The following DTNB variants were observed in gnomAD, a reference collection of about 807,000 sequenced individuals.
The protein encoded by DTNB is dystrobrevin beta.
Under a neutral mutation model 90.7 loss-of-function variants are expected in DTNB, and 63 were observed. The ratio of observed to expected loss-of-function variants is 0.69; its 90% CI spans 0.57 to 0.86. DTNB has a LOEUF of 0.86. Among genes scored for constraint, DTNB ranks in the 40% least tolerant of loss-of-function variants. The pLI is 0.00. For missense variants in DTNB, 744 were observed against 807.1 expected, an observed-to-expected ratio of 0.92 and a Z score of 0.95; for synonymous variants, 277 against 286.7, an observed-to-expected ratio of 0.97 and a Z score of 0.34.
chr2:25,556,162 C>T (rs960278121), intron 8 of DTNB, among the ~76,000 whole-genome samples: 10 of 142,774 alleles, frequency 7.0e-5, no homozygotes, highest in South Asian at 2.2e-4. Context: ...GGTGTTTTGG[C>T]CATCTCTCTT....
At chr2:25,548,629 G>C (rs1476913679) in intron 8 of DTNB, among the ~76,000 whole-genome samples, 1 of 152,272 alleles carries the variant, frequency 6.6e-6, no homozygotes, top group South Asian at 2.1e-4. Context: ...TCAGCCTGGA[G>C]TGGAGTAAGG....
chr2:25,587,371 A>G (rs939896687), intron 6 of DTNB, among the ~76,000 whole-genome samples: 2 of 152,210 alleles, frequency 1.3e-5, no homozygotes, highest in African/African-American at 4.8e-5. Flanking sequence ...CGAGAAGACC[A>G]GGGTCCTTCG....
chr2:25,652,904 A>ATGC (rs2081250073), intron 1 of DTNB: 7 of 356,594 alleles, frequency 2.0e-5, no homozygotes, highest in Non-Finnish European at 3.5e-5. Flanking sequence ...TTACTGTGCT[A>ATGC]AAAATATGGG....
chr2:25,595,232 T>C (rs2064344707), intron 6 of DTNB: 1 of 152,198 alleles, frequency 6.6e-6, no homozygotes, highest in Non-Finnish European at 1.5e-5. Context: ...TTAGTGGTGA[T>C]AGGGATTTTG....
chr2:25,550,431 C>A (rs2083415730), intron 8 of DTNB, among the ~76,000 whole-genome samples: 1 of 152,002 alleles, frequency 6.6e-6, no homozygotes, highest in East Asian at 1.9e-4. Context: ...CAAAAAAAAA[C>A]ACGGTGCTAT....
In DTNB at chr2:25,434,014, G is replaced by C; in HGVS notation, c.1258-19C>G. The C allele has an allele frequency of 1.3e-6, 2 of 1,586,708 alleles. No homozygotes were observed. The highest frequency in any genetic ancestry group is 1.7e-6 in the Non-Finnish European group (2 of 1,173,680). On this transcript the variant is annotated intron_variant, in intron 12 of 20. Coordinates refer to ENST00000406818, the MANE Select transcript of DTNB (RefSeq NM_021907.5). ...GACGAGTCTAAAGTGGGGAAGTCGG[G>C]AGAAAGTTTTTTTTTTTCTGATCCA... is the stretch of plus-strand genomic sequence containing the variant.
chr2:25,570,425 A>C (rs904015871), intron 8 of DTNB, among the ~76,000 whole-genome samples: 8 of 135,262 alleles, frequency 5.9e-5, no homozygotes, highest in Non-Finnish European at 1.0e-4. Context: ...AAAAAAAAAA[A>C]AAAAAAGAAG....
At chr2:25,601,496 T>C (rs1424131317) in intron 5 of DTNB, among the ~76,000 whole-genome samples, 1 of 152,218 alleles carries the variant, frequency 6.6e-6, no homozygotes, top group Admixed American at 6.5e-5. Flanking sequence ...TGAGCCACCA[T>C]CATCACATAT....
rs199506096 is a variant in DTNB at position 25,628,238 on chromosome 2, T to C, written c.295A>G (p.Thr99Ala). 366 of 1,613,478 alleles carry C rather than the reference T, an allele frequency of 2.3e-4. 1 individual carries two copies. The highest frequency in any genetic ancestry group is 1.9e-4 in the Non-Finnish European group (220 of 1,179,826). The change falls in exon 4 of 21, where the codon ACT becomes GCT. Residue 99 changes from threonine (T) to alanine (A), a missense_variant. Physicochemically the swap from Thr to Ala is moderately conservative, Grantham distance 58. Coordinates refer to ENST00000406818, the MANE Select transcript of DTNB (RefSeq NM_021907.5). Reference sequence around the variant, plus strand: ...GATTGTTCCACACTAATTTGGTGAGTAGAAGGAAGGCGCTTGTTCAACTGA... The same window carrying C: ...GATTGTTCCACACTAATTTGGTGAGCAGAAGGAAGGCGCTTGTTCAACTGA... The part of the protein sequence containing the change: ...YYQLNKRLPS[T>A]HQISVEQSIS...
At chr2:25,459,031 C>CT (rs887916844) in intron 10 of DTNB, among the ~76,000 whole-genome samples, 128 of 144,874 alleles carry the variant, frequency 8.8e-4, no homozygotes, top group East Asian at 5.0e-3. Context: ...TGTAATATGT[C>CT]TTTTTTTTTT....
At chr2:25,600,594 T>C (rs2065663015) in intron 5 of DTNB, among the ~76,000 whole-genome samples, 2 of 152,216 alleles carry the variant, frequency 1.3e-5, no homozygotes, top group African/African-American at 4.8e-5. Flanking sequence ...ATCGCCACTC[T>C]GTGTATTCAT....
intron 12 of DTNB, among the ~76,000 whole-genome samples, chr2:25,446,664 T>C (rs542559323): frequency 1.3e-5 from 2 of 152,332 alleles, no homozygotes; most frequent in South Asian, 2.1e-4. Flanking sequence ...TGTGTTTGCT[T>C]TCTGAGGATT....
intron 3 of DTNB, among the ~76,000 whole-genome samples, chr2:25,638,531 TAC>T (rs929544800): frequency 9.9e-5 from 15 of 152,168 alleles, no homozygotes; most frequent in African/African-American, 3.1e-4. Flanking sequence ...ATTAAGTATA[TAC>T]ACACACAGAC....
intron 6 of DTNB, among the ~76,000 whole-genome samples, chr2:25,590,763 C>A (rs2063406524): frequency 6.6e-6 from 1 of 152,306 alleles, no homozygotes; most frequent in South Asian, 2.1e-4. Flanking sequence ...GGAAAAAGCA[C>A]CACAAGTTCC....
rs540754255 is a variant in DTNB, at chr2:25,432,929, C to T, written c.1414G>A (p.Ala472Thr). ...EQASQPTPEK[A>T]QQNPTLLAEL... is the part of the protein sequence containing the mutation. ...GCCAGCAGCGTGGGGTTCTGCTGTGCCTTCTCAGGGGTGGGCTGGGAGGCC... is the reference window on the plus strand; with the variant it reads ...GCCAGCAGCGTGGGGTTCTGCTGTGTCTTCTCAGGGGTGGGCTGGGAGGCC... The change falls in exon 14 of 21, where the codon GCA becomes ACA. Residue 472 changes from alanine to threonine, a missense_variant. Coordinates refer to ENST00000406818, the MANE Select transcript of DTNB (RefSeq NM_021907.5). 450 of 1,610,894 alleles carry T rather than the reference C, an allele frequency of 2.8e-4. 5 individuals are homozygous for T. The South Asian group carries it at 4.7e-3, about 17-fold the overall frequency.
At chr2:25,446,930 T>C (rs547501995) in intron 12 of DTNB, among the ~76,000 whole-genome samples, 4 of 152,326 alleles carry the variant, frequency 2.6e-5, no homozygotes, top group Non-Finnish European at 4.4e-5. Flanking sequence ...TCTTTCTGTG[T>C]TGTGTTTTGG....
At chr2:25,386,856 G>C (rs936370220) in intron 18 of DTNB, among the ~76,000 whole-genome samples, 1 of 152,194 alleles carries the variant, frequency 6.6e-6, no homozygotes, top group Non-Finnish European at 1.5e-5. Context: ...AAACAGGAGA[G>C]AGCAGAAAGG....
At chr2:25,619,129 T>C (rs921267762) in intron 4 of DTNB, among the ~76,000 whole-genome samples, 6 of 152,130 alleles carry the variant, frequency 3.9e-5, no homozygotes, top group African/African-American at 1.4e-4. Flanking sequence ...AGTAGGAGTT[T>C]GCTATTCAAA....
chr2:25,620,558 G>T (rs1041145425), intron 4 of DTNB, among the ~76,000 whole-genome samples: 1 of 152,176 alleles, frequency 6.6e-6, no homozygotes, highest in Non-Finnish European at 1.5e-5. Context: ...TGAAAGATTA[G>T]TTAATGGTAA....
Sources: gnomAD v4.1 joint callset for allele counts (sites outside exome capture counted in the v4.1 genomes callset) on GRCh38, gnomAD v4.1.1 for gene constraint, MANE v1.5 for transcripts, NCBI Gene and HGNC (gene_info 2026-07-23, HGNC 2026-07-21) for gene names.